Variants in PRRC2B observed in about 807,000 individuals in gnomAD.
PRRC2B encodes protein PRRC2B.
A neutral mutation model predicts 242.3 loss-of-function variants in PRRC2B; 68 were observed. That is an observed-to-expected ratio of 0.28 (90% CI 0.23 to 0.34). The LOEUF is 0.34. Ranked by LOEUF, PRRC2B falls within the 10% of genes least tolerant of loss-of-function variation. PRRC2B has a pLI of 1.00. For synonymous variants in PRRC2B, 1,228 were observed against 1,173.6 expected, an observed-to-expected ratio of 1.05 and a Z score of -0.95; for missense variants, 2,835 against 2,954.8, an observed-to-expected ratio of 0.96 and a Z score of 0.94.
At chr9:131,426,146 T>C (rs1405884811) in intron 1 of PRRC2B, among the ~76,000 whole-genome samples, 2 of 151,992 alleles carry the variant, frequency 1.3e-5, no homozygotes, top group African/African-American at 4.8e-5. Context: ...GAGACCAGCC[T>C]GGGCAACATG....
intron 1 of PRRC2B, among the ~76,000 whole-genome samples, chr9:131,402,293 T>C (rs957405825): frequency 6.6e-6 from 1 of 152,178 alleles, no homozygotes; most frequent in Admixed American, 6.5e-5. Flanking sequence ...CATTTTACTT[T>C]CTTTCTGTGA....
In PRRC2B at chr9:131,479,301, C is replaced by CA; in HGVS notation, c.4814dup (p.Gln1606AlafsTer10). 6.2e-7 allele frequency: 1 copy of CA among 1,613,752 alleles called. No homozygotes were observed. On this transcript the variant is annotated frameshift_variant, in exon 19 of 32. Transcript: ENST00000683519. LOFTEE classifies it high-confidence loss of function. ...TCCTCCCGTATTCCTCCTCGATTTG[C>CA]AAAAAAGCAGAACAACTTATGTCTG...
intron 28 of PRRC2B, chr9:131,490,442 C>T (rs774872247): frequency 3.9e-6 from 2 of 518,974 alleles, no homozygotes; most frequent in Admixed American, 3.9e-5. Flanking sequence ...CATTTTGGTG[C>T]TCCAAGGAGG....
chr9:131,430,522 G>C (rs201595760), intron 2 of PRRC2B, among the ~76,000 whole-genome samples: 1 of 83,364 alleles, frequency 1.2e-5, no homozygotes, highest in Admixed American at 1.2e-4. Flanking sequence ...TAGATAGATA[G>C]ATAGATATCT....
intron 1 of PRRC2B, among the ~76,000 whole-genome samples, chr9:131,417,369 GACT>G: frequency 6.6e-6 from 1 of 152,104 alleles, no homozygotes. Flanking sequence ...CTCAAGTCTA[GACT>G]TCTCTTGTTT....
chr9:131,478,214 G>A (rs1471580826), intron 17 of PRRC2B, among the ~76,000 whole-genome samples: 1 of 43,578 alleles, frequency 2.3e-5, no homozygotes, highest in Non-Finnish European at 4.3e-5. Flanking sequence ...AGAGACGTTC[G>A]GTGGTGTGTC....
At chr9:131,447,960 A>G in intron 9 of PRRC2B, 156 bp downstream of exon 9, 1 of 638,288 alleles carries the variant, frequency 1.6e-6, no homozygotes, top group Admixed American at 3.5e-5. Context: ...CTCCTTCCTC[A>G]TTTACTCCCT....
rs1326985857 is a variant in PRRC2B, at chr9:131,470,969, C to G, written c.2093C>G (p.Ala698Gly). 1 of 1,611,072 alleles carries G rather than the reference C, an allele frequency of 6.2e-7. No homozygotes were observed. The highest frequency in any genetic ancestry group is 8.5e-7 in the Non-Finnish European group (1 of 1,178,290). ...TRTPVDFYPS[A>G]LHPSGLMKPM... is the part of the protein sequence containing the mutation. The stretch of plus-strand genomic sequence containing the variant: ...ACCCCGGTGGACTTCTACCCCTCCG[C>G]CCTGCATCCCTCAGGTAAGCACTGT... The change falls in exon 14 of 32, where the codon GCC becomes GGC. Residue 698 changes from alanine to glycine, a missense_variant. By Grantham distance (60) the Ala-to-Gly change is moderately conservative. Transcript: ENST00000683519.
chr9:131,494,671 C>T lies in PRRC2B; in HGVS notation c.6555+185C>T, dbSNP rs1026349790. On this transcript the variant is annotated intron_variant, in intron 31 of 31. Coordinates refer to ENST00000683519, the MANE Select transcript of PRRC2B (RefSeq NM_013318.4). This position sits in a 1 kb window ranked among gnomAD's most constrained non-coding sequence, Gnocchi z 4.3. ...CCCTCCTGGCGAAGGCATTTCTCCT[C>T]TTGACGGGCGTCTGGATCCTTCCTT... Among the ~76,000 whole-genome samples, 1 of 152,234 alleles carries T rather than the reference C, an allele frequency of 6.6e-6. No homozygotes were observed. The highest frequency in any genetic ancestry group is 2.4e-5 in the African/African-American group (1 of 41,468).
At chr9:131,493,729 G>C (rs761717304) in intron 30 of PRRC2B, among the ~76,000 whole-genome samples, 1 of 152,212 alleles carries the variant, frequency 6.6e-6, no homozygotes, top group African/African-American at 2.4e-5. Context: ...CAAAAACAAG[G>C]GTTCCCTGGT....
rs932763599 is a variant in PRRC2B at position 131,485,842 on chromosome 9, G to T, written c.5759-243G>T. 29 of 729,836 alleles carry T rather than the reference G, an allele frequency of 4.0e-5. No homozygotes were observed. In the African/African-American group the frequency reaches 4.6e-4, roughly 12 times the overall value. The allele number at this position is 729,836 out of a possible 1,614,324, so 45.2% of individuals were successfully genotyped here. ...GGGAAGGGTAGGCCAGAGCCCACCT[G>T]CCTCCTCCCTCCTCCTAGGTCTGAC... On this transcript the variant is annotated intron_variant, in intron 25 of 31. Coordinates refer to ENST00000683519, the MANE Select transcript of PRRC2B (RefSeq NM_013318.4).
At chr9:131,434,911 A>C (rs1029132648) in intron 3 of PRRC2B, among the ~76,000 whole-genome samples, 1 of 152,208 alleles carries the variant, frequency 6.6e-6, no homozygotes, top group African/African-American at 2.4e-5. Flanking sequence ...GCAATCATTT[A>C]AACTTCAAAA....
chr9:131,484,640 C>T (rs774460318), intron 23 of PRRC2B, 46 bp from the exon 24 acceptor site: 1 of 1,502,984 alleles, frequency 6.7e-7, no homozygotes, highest in Admixed American at 1.9e-5. Flanking sequence ...GCAAAGCCAT[C>T]TCTGCACCTG....
rs779645467 is a variant in PRRC2B, at chr9:131,476,494, C to A, written c.4365C>A (p.Arg1455=). The part of the protein sequence containing the change: ...VRPGGGDTSP[R]YESQQNGTPL... ...CAGGTGGTGGTGACACCTCCCCTCG[C>A]TATGAGAGCCAACAGAATGGGACGC... Residue 1455 remains arginine, a synonymous_variant, in exon 16 of 32, where the codon CGC becomes CGA. Coordinates refer to ENST00000683519, the MANE Select transcript of PRRC2B (RefSeq NM_013318.4). The A allele has an allele frequency of 1.9e-5, 30 of 1,609,346 alleles. No homozygotes were observed. The highest frequency in any genetic ancestry group is 2.4e-5 in the Non-Finnish European group (28 of 1,178,012).
At chr9:131,408,134 G>C (rs1399710566) in intron 1 of PRRC2B, among the ~76,000 whole-genome samples, 1 of 152,234 alleles carries the variant, frequency 6.6e-6, no homozygotes, top group Non-Finnish European at 1.5e-5. Context: ...TAAGTAGGCT[G>C]TGTTCTCTGC....
At chr9:131,380,190 A>G (rs1378250344) in intron 1 of PRRC2B, among the ~76,000 whole-genome samples, 1 of 151,328 alleles carries the variant, frequency 6.6e-6, no homozygotes, top group East Asian at 2.0e-4. Flanking sequence ...CAGGAGTTGG[A>G]GGCTGCAGTG....
At position 131,476,835 on chromosome 9, in the gene PRRC2B, G is replaced by A. The variant is rs1194754987; in HGVS notation, c.4406+300G>A. On this transcript the variant is annotated intron_variant, in intron 16 of 31. Coordinates refer to ENST00000683519, the MANE Select transcript of PRRC2B (RefSeq NM_013318.4). ...AGCCCCGCCGAGGGGCCGCTGCAGC[G>A]AGGAACGTTGCCTGTGCACAGTGCC... Among the ~76,000 whole-genome samples, 4 of 151,846 alleles carry A rather than the reference G, an allele frequency of 2.6e-5. No individual in the cohort carries two copies. In the East Asian group the frequency reaches 5.9e-4, roughly 22 times the overall value.
chr9:131,416,301 G>A (rs1837649445), intron 1 of PRRC2B, among the ~76,000 whole-genome samples: 1 of 152,080 alleles, frequency 6.6e-6, no homozygotes, highest in African/African-American at 2.4e-5. Flanking sequence ...TAGGGATGGG[G>A]TTTCACTATA....
chr9:131,399,786 T>A (rs1837178680), intron 1 of PRRC2B, among the ~76,000 whole-genome samples: 1 of 152,172 alleles, frequency 6.6e-6, no homozygotes, highest in Admixed American at 6.5e-5. Context: ...TTATAGTGTA[T>A]TCCTCTACGT....
Sources: allele counts gnomAD v4.1 joint callset (sites outside exome capture counted in the v4.1 genomes callset), GRCh38; gene constraint gnomAD v4.1.1; non-coding constraint Gnocchi (gnomAD v3.1); transcripts MANE v1.5; gene names NCBI Gene and HGNC (gene_info 2026-07-23, HGNC 2026-07-21).